Variants in RTF2 observed in about 807,000 individuals in gnomAD.
RTF2 encodes replication termination factor 2.
Under a neutral mutation model 38.0 loss-of-function variants are expected in RTF2, and 18 were observed. That is an observed-to-expected ratio of 0.47 (90% CI 0.33 to 0.70). The LOEUF (loss-of-function observed/expected upper bound fraction) is 0.70. Ranked by LOEUF, RTF2 falls within the 30% of genes least tolerant of loss-of-function variation. The pLI, the probability that RTF2 is intolerant of heterozygous loss-of-function variation, is 0.02. For synonymous variants in RTF2, 126 were observed against 137.1 expected, an observed-to-expected ratio of 0.92 and a Z score of 0.57; for missense variants, 311 against 379.6, an observed-to-expected ratio of 0.82 and a Z score of 1.50.
chr20:56,500,977 T>A (rs565883094), intron 5 of RTF2, among the ~76,000 whole-genome samples: 42 of 152,070 alleles, frequency 2.8e-4, no homozygotes, highest in African/African-American at 8.9e-4. Flanking sequence ...AGCTTTTTTT[T>A]TTAAAAAAAA....
chr20:56,472,461 G>T (rs756093334), intron 1 of RTF2: 2 of 1,129,144 alleles, frequency 1.8e-6, no homozygotes, highest in South Asian at 2.7e-5. Flanking sequence ...CTTATGTCTG[G>T]ATTTTCATAC....
intron 1 of RTF2, chr20:56,470,748 C>T (rs373491750): frequency 3.4e-4 from 150 of 443,278 alleles, no homozygotes; most frequent in Middle Eastern, 2.7e-3. Context: ...ATCATGCCTA[C>T]GTGGTGGGGT....
At position 56,497,476 on chromosome 20, in the gene RTF2, A is replaced by G. The variant is rs762628266; in HGVS notation, c.477+13287A>G. The G allele has an allele frequency of 5.0e-5, 75 of 1,508,864 alleles. No individual in the cohort carries two copies. In the Admixed American group the frequency reaches 7.3e-4, roughly 15 times the overall value. The allele number at this position is 1,508,864 out of a possible 1,614,324, so 93.5% of individuals were successfully genotyped here. Reference sequence around the variant, plus strand: ...CACAGTTCATCTGGGTAAAAGCCACATTCTACTACTTCTGGTTGGGCAGGT... The same window carrying G: ...CACAGTTCATCTGGGTAAAAGCCACGTTCTACTACTTCTGGTTGGGCAGGT... On this transcript the variant is annotated intron_variant, in intron 5 of 8. Coordinates refer to ENST00000357348, the MANE Select transcript of RTF2 (RefSeq NM_016407.5).
In RTF2 at chr20:56,500,289, G is replaced by C. The variant is rs541069074; in HGVS notation, c.478-13026G>C. On this transcript the variant is annotated intron_variant, in intron 5 of 8. Transcript: ENST00000357348. ...GCCTGGTCTCGAACTCCTGACCTCAGGTGATCCACCTGCCTCAGCCTCCCA... is the reference window on the plus strand; with the variant it reads ...GCCTGGTCTCGAACTCCTGACCTCACGTGATCCACCTGCCTCAGCCTCCCA... Among the ~76,000 whole-genome samples, 46 of 152,114 alleles carry C rather than the reference G, an allele frequency of 3.0e-4. No homozygotes were observed. The Middle Eastern group carries it at 0.01, about 34-fold the overall frequency.
rs1985081211 is a variant in RTF2 at position 56,516,947 on chromosome 20, C to G, written c.604C>G (p.Pro202Ala). ...TATCTTTTTGTAGAAAACAAAGAAACCCAAGGCAGCAGAGTCTGTTTCAAA... is the reference window on the plus strand; with the variant it reads ...TATCTTTTTGTAGAAAACAAAGAAAGCCAAGGCAGCAGAGTCTGTTTCAAA... ...RAKLEKKTKK[P>A]KAAESVSKPD... Residue 202 changes from proline to alanine, a missense_variant, in exon 7 of 9, where the codon CCC becomes GCC. Physicochemically the swap from Pro to Ala is conservative, Grantham distance 27. Transcript: ENST00000357348. The G allele has an allele frequency of 6.2e-7, 1 of 1,614,042 alleles. No individual in the cohort carries two copies.
chr20:56,496,563 A>G (rs1983551913), intron 5 of RTF2: 13 of 1,341,062 alleles, frequency 9.7e-6, no homozygotes, highest in African/African-American at 3.0e-5. Context: ...CAGTCAGTCA[A>G]TCAATCAATC....
intron 6 of RTF2, chr20:56,513,670 A>G (rs1984839457): frequency 2.5e-6 from 1 of 403,098 alleles, no homozygotes; most frequent in Non-Finnish European, 4.7e-6. Context: ...GGGTAGTGAC[A>G]GCATGCGAGG....
intron 5 of RTF2, chr20:56,496,667 G>A: frequency 1.9e-6 from 3 of 1,539,294 alleles, no homozygotes; most frequent in Non-Finnish European, 2.6e-6. Context: ...TCACCCAGTA[G>A]TGTTGCTCTG....
At chr20:56,506,957 T>C (rs1954906360) in intron 5 of RTF2, among the ~76,000 whole-genome samples, 1 of 152,146 alleles carries the variant, frequency 6.6e-6, no homozygotes. Flanking sequence ...GCCTCGGCCT[T>C]CCAAAGTACT....
chr20:56,472,440 C>T, intron 1 of RTF2: 7 of 1,356,090 alleles, frequency 5.2e-6, no homozygotes, highest in Non-Finnish European at 7.2e-6. Context: ...CATTCGAGGG[C>T]CAGGGAGGGT....
intron 5 of RTF2, among the ~76,000 whole-genome samples, chr20:56,496,338 G>A (rs1600814801): frequency 6.6e-6 from 1 of 152,110 alleles, no homozygotes; most frequent in Non-Finnish European, 1.5e-5. Context: ...ACCTGAGATC[G>A]GGAGTTCCAG....
chr20:56,478,984 A>C (rs767836338), intron 4 of RTF2, among the ~76,000 whole-genome samples: 2 of 152,208 alleles, frequency 1.3e-5, no homozygotes, highest in Non-Finnish European at 2.9e-5. Flanking sequence ...TTCTTTGCTC[A>C]TCCATAAGAA....
At chr20:56,490,641 C>T (rs752184630) in intron 5 of RTF2, among the ~76,000 whole-genome samples, 6 of 152,066 alleles carry the variant, frequency 3.9e-5, no homozygotes, top group Non-Finnish European at 8.8e-5. Flanking sequence ...ATGGAGACAC[C>T]GCGTCTCTAG....
chr20:56,517,278 A>G (rs1985110702), intron 8 of RTF2, 77 bp downstream of exon 8: 8 of 1,166,626 alleles, frequency 6.9e-6, no homozygotes, highest in Non-Finnish European at 1.0e-5. Context: ...GTTTCACTGG[A>G]GTGGGTGGAT....
chr20:56,501,939 TCC>T (rs1283733158), intron 5 of RTF2, among the ~76,000 whole-genome samples: 5 of 152,212 alleles, frequency 3.3e-5, no homozygotes, highest in Admixed American at 6.5e-5. Context: ...GCACTGTCTT[TCC>T]TTAAATTGTC....
chr20:56,473,342 T>TA lies in RTF2; in HGVS notation c.112dup (p.Thr38AsnfsTer15). On this transcript the variant is annotated frameshift_variant, in exon 2 of 9. Transcript: ENST00000357348. LOFTEE classifies it high-confidence loss of function. ...AATTAGTGGCCCAATGGAACTATTG[T>TA]ACTCTAAGTCAGGAAATATTAAGAC... is the stretch of plus-strand genomic sequence containing the variant. The TA allele has an allele frequency of 6.2e-7, 1 of 1,614,014 alleles. No individual in the cohort carries two copies. The highest frequency in any genetic ancestry group is 8.5e-7 in the Non-Finnish European group (1 of 1,179,888).
intron 1 of RTF2, chr20:56,472,565 G>A: frequency 2.3e-6 from 1 of 436,514 alleles, no homozygotes; most frequent in Non-Finnish European, 3.9e-6. Flanking sequence ...TGTAGTCTTT[G>A]TTCTGAACTT....
chr20:56,507,269 T>C (rs78353117), intron 5 of RTF2, among the ~76,000 whole-genome samples: 3,595 of 152,138 alleles, frequency 0.024, 148 homozygotes, highest in African/African-American at 0.082. Flanking sequence ...CCTACCCTTG[T>C]TTTCCCTCAT....
intron 5 of RTF2, among the ~76,000 whole-genome samples, chr20:56,491,087 C>G (rs1396723562): frequency 6.6e-6 from 1 of 152,188 alleles, no homozygotes; most frequent in Non-Finnish European, 1.5e-5. Flanking sequence ...ATACACTCTT[C>G]ATTATTTTTC....
Sources: gnomAD v4.1 joint callset for allele counts (sites outside exome capture counted in the v4.1 genomes callset) on GRCh38, gnomAD v4.1.1 for gene constraint, MANE v1.5 for transcripts, NCBI Gene and HGNC (gene_info 2026-07-23, HGNC 2026-07-21) for gene names.